Variants in CTNND2 observed in about 807,000 individuals in gnomAD.
CTNND2 encodes catenin delta 2.
Under a neutral mutation model 144.4 loss-of-function variants are expected in CTNND2, and 22 were observed. The ratio of observed to expected loss-of-function variants is 0.15; its 90% confidence interval spans 0.11 to 0.22. The LOEUF (loss-of-function observed/expected upper bound fraction) is 0.22. CTNND2 is among the 10% of genes least tolerant of loss of function. The pLI is 1.00. For synonymous variants in CTNND2, 751 were observed against 695.6 expected (o/e 1.08, Z -1.25); for missense variants, 1,353 against 1,618.8 (o/e 0.84, Z 2.82).
chr5:11,040,848 A>G (rs1431910181), intron 16 of CTNND2, among the ~76,000 whole-genome samples: 2 of 152,244 alleles, frequency 1.3e-5, no homozygotes, highest in African/African-American at 4.8e-5. Flanking sequence ...TAATTTTAGC[A>G]GAAAGGAATG....
rs568550580 is a variant in CTNND2, at chr5:11,366,451, T to C, written c.1178-1561A>G. ...TCCTTACCATTCTCTTTGCTGGTAA[T>C]TAAATTCTGATTTAGATAGCGCTCC... On this transcript the variant is annotated intron_variant, in intron 7 of 21. Coordinates refer to ENST00000304623, the MANE Select transcript of CTNND2 (RefSeq NM_001332.4). Among the ~76,000 whole-genome samples the C allele has an allele frequency of 2.6e-5, 4 of 152,284 alleles. No individual in the cohort carries two copies. The East Asian group carries it at 7.7e-4, about 29-fold the overall frequency.
chr5:11,607,649 A>G (rs942414360), intron 2 of CTNND2, among the ~76,000 whole-genome samples: 2 of 152,202 alleles, frequency 1.3e-5, no homozygotes, highest in African/African-American at 4.8e-5. Flanking sequence ...AAGTTGCTCA[A>G]TAGTCTTAGT....
At position 11,875,442 on chromosome 5, in the gene CTNND2, A is replaced by G. The variant is rs557473305; in HGVS notation, c.37+28375T>C. The stretch of plus-strand genomic sequence containing the variant: ...TACACATTTGGGATTAATGAATATA[A>G]TGGACTGAATCTTTGTGCTTCTCTC... On this transcript the variant is annotated intron_variant, in intron 1 of 21. Coordinates refer to ENST00000304623, the MANE Select transcript of CTNND2 (RefSeq NM_001332.4). Among the ~76,000 whole-genome samples, 161 of 152,350 alleles carry G rather than the reference A, an allele frequency of 1.1e-3. 1 individual carries two copies. The highest frequency in any genetic ancestry group is 3.6e-3 in the African/African-American group (150 of 41,590).
chr5:11,129,746 A>T (rs549887849), intron 12 of CTNND2, among the ~76,000 whole-genome samples: 2 of 152,216 alleles, frequency 1.3e-5, no homozygotes, highest in East Asian at 3.9e-4. Flanking sequence ...AGAGAGAGAA[A>T]TGAGGCAGCT....
intron 18 of CTNND2, among the ~76,000 whole-genome samples, chr5:11,011,986 G>A (rs1741140054): frequency 6.6e-6 from 1 of 152,156 alleles, no homozygotes. Context: ...GACTAGTGAT[G>A]ATGATGATGA....
At chr5:11,049,912 TTGCTACATAC>T (rs1486566502) in intron 16 of CTNND2, among the ~76,000 whole-genome samples, 1 of 152,250 alleles carries the variant, frequency 6.6e-6, no homozygotes, top group East Asian at 1.9e-4. Context: ...TCTGTCCATG[TTGCTACATAC>T]AGACTACTGT....
At chr5:11,619,840 T>C (rs187116000) in intron 2 of CTNND2, among the ~76,000 whole-genome samples, 3 of 152,308 alleles carry the variant, frequency 2.0e-5, no homozygotes, top group Admixed American at 6.5e-5. Flanking sequence ...TCTGTTGGTA[T>C]GAAATGAATG....
chr5:11,289,977 A>C (rs17190501), intron 9 of CTNND2, among the ~76,000 whole-genome samples: 11,278 of 152,230 alleles, frequency 0.074, 580 homozygotes, highest in South Asian at 0.15. Context: ...CCTCTGGAAA[A>C]ATCACCAGGA....
chr5:11,154,717 TCA>T lies in CTNND2; in HGVS notation c.2159+4857_2159+4858del, dbSNP rs1393942901. ...CTTAAAACAACCGAAACTTATTATC[TCA>T]CGTTCTGGACGCCAGAAATCTAAAA... On this transcript the variant is annotated intron_variant, in intron 12 of 21. Coordinates refer to ENST00000304623, the MANE Select transcript of CTNND2 (RefSeq NM_001332.4). Among the ~76,000 whole-genome samples, 6 of 152,140 alleles carry T rather than the reference TCA, an allele frequency of 3.9e-5. No homozygotes were observed. In the East Asian group the frequency reaches 1.2e-3, roughly 29 times the overall value.
At chr5:11,804,838 T>C (rs1791905211) in intron 1 of CTNND2, among the ~76,000 whole-genome samples, 1 of 152,142 alleles carries the variant, frequency 6.6e-6, no homozygotes, top group Non-Finnish European at 1.5e-5. Context: ...TGTATGTACA[T>C]TTTAAAAAAC....
chr5:11,593,639 C>T (rs188921388), intron 2 of CTNND2, among the ~76,000 whole-genome samples: 1 of 151,168 alleles, frequency 6.6e-6, no homozygotes, highest in African/African-American at 2.5e-5. Flanking sequence ...AAGGGCAGTT[C>T]CCCTGCATAT....
intron 3 of CTNND2, among the ~76,000 whole-genome samples, chr5:11,436,210 G>T (rs1316732559): frequency 6.6e-6 from 1 of 152,052 alleles, no homozygotes; most frequent in African/African-American, 2.4e-5. Flanking sequence ...ACGAATGGGA[G>T]AAAGATTCAC....
At chr5:11,782,882 C>T (rs1790620300) in intron 1 of CTNND2, among the ~76,000 whole-genome samples, 1 of 152,160 alleles carries the variant, frequency 6.6e-6, no homozygotes, top group Non-Finnish European at 1.5e-5. Context: ...CACCCATGTT[C>T]ACTGCTCAAG....
chr5:11,046,347 A>G (rs183987263), intron 16 of CTNND2, among the ~76,000 whole-genome samples: 7 of 152,328 alleles, frequency 4.6e-5, no homozygotes, highest in Non-Finnish European at 8.8e-5. Context: ...AACGCCATCT[A>G]TTGACAGCAA....
At chr5:11,056,083 G>A (rs926099159) in intron 16 of CTNND2, among the ~76,000 whole-genome samples, 3 of 152,152 alleles carry the variant, frequency 2.0e-5, no homozygotes, top group African/African-American at 4.8e-5. Flanking sequence ...GAGATGGGGC[G>A]GAGTGTCTCC....
chr5:11,576,407 T>C (rs937760818), intron 2 of CTNND2, among the ~76,000 whole-genome samples: 5 of 149,842 alleles, frequency 3.3e-5, no homozygotes, highest in African/African-American at 1.2e-4. Context: ...GATTAAATAA[T>C]TATATATAAA....
At chr5:11,098,477 T>G (rs1751576682) in intron 15 of CTNND2, 98 bp downstream of exon 15, 3 of 1,075,520 alleles carry the variant, frequency 2.8e-6, no homozygotes, top group Non-Finnish European at 4.0e-6. Flanking sequence ...CCTAGAAATC[T>G]TTATTAGAGT....
chr5:11,633,775 C>CA (rs71595827), intron 2 of CTNND2, among the ~76,000 whole-genome samples: 70,861 of 136,220 alleles, frequency 0.52, 18,545 homozygotes, highest in Middle Eastern at 0.71. Context: ...GGCACTGTCT[C>CA]AAAAAAAAAA....
intron 2 of CTNND2, among the ~76,000 whole-genome samples, chr5:11,614,264 T>G (rs1780474471): frequency 6.6e-6 from 1 of 152,212 alleles, no homozygotes; most frequent in South Asian, 2.1e-4. Flanking sequence ...TATCTTTAAT[T>G]TACAAAGTTA....
Sources: gnomAD v4.1 joint callset for allele counts (sites outside exome capture counted in the v4.1 genomes callset) on GRCh38, gnomAD v4.1.1 for gene constraint, MANE v1.5 for transcripts, NCBI Gene and HGNC (gene_info 2026-07-23, HGNC 2026-07-21) for gene names.